ROBO2: variants seen among roughly 807,000 people sequenced by gnomAD.
The protein encoded by ROBO2 is roundabout guidance receptor 2.
ROBO2 carries 53 observed loss-of-function variants against 160.8 expected under a neutral mutation model. The ratio of observed to expected loss-of-function variants is 0.33; its 90% CI spans 0.26 to 0.41. The LOEUF is 0.41. Ranked by LOEUF, ROBO2 falls within the 10% of genes least tolerant of loss-of-function variation. The probability of loss-of-function intolerance (pLI) is 1.00; values close to 1 mark genes in which losing one functional copy is unlikely to be tolerated. For missense variants in ROBO2, 1,577 were observed against 1,722.4 expected (o/e 0.92, Z 1.49); for synonymous variants, 664 against 611.7 (o/e 1.09, Z -1.26).
intron 2 of ROBO2, among the ~76,000 whole-genome samples, chr3:76,856,770 CAA>C (rs1253551779): frequency 6.6e-6 from 1 of 152,098 alleles, no homozygotes; most frequent in Admixed American, 6.5e-5. Context: ...ATAATATATA[CAA>C]AAGTCTAGAA....
chr3:77,552,574 T>C (rs2092958578), intron 8 of ROBO2, among the ~76,000 whole-genome samples: 1 of 152,074 alleles, frequency 6.6e-6, no homozygotes, highest in African/African-American at 2.4e-5. Flanking sequence ...AAATAAGTGA[T>C]GACCAATGTT....
intron 2 of ROBO2, among the ~76,000 whole-genome samples, chr3:76,756,301 A>T (rs772348045): frequency 3.9e-5 from 6 of 151,942 alleles, no homozygotes; most frequent in Non-Finnish European, 7.4e-5. Flanking sequence ...ACCATTGTAG[A>T]ATATTTGCAA....
Position 77,602,193 on chromosome 3 carries a change from C to T in ROBO2, c.2855-17C>T, listed in dbSNP as rs1431466310. 8 of 1,613,910 alleles carry T rather than the reference C, an allele frequency of 5.0e-6. No individual in the cohort carries two copies. Among genetic ancestry groups the T allele is most frequent in the Middle Eastern group, 3.3e-4 (2 of 6,084 alleles). On this transcript the variant is annotated splice_polypyrimidine_tract_variant and intron_variant, in intron 19 of 25. Coordinates refer to ENST00000461745, the Ensembl canonical transcript of ROBO2. The stretch of plus-strand genomic sequence containing the variant: ...GGTGCCTCATTAAATTGTTTCATTT[C>T]CCTATGTTCACCACAGATGTGCTGC...
At chr3:76,244,581 G>T (rs1218324917) in intron 2 of ROBO2, among the ~76,000 whole-genome samples, 2 of 152,168 alleles carry the variant, frequency 1.3e-5, no homozygotes, top group Non-Finnish European at 2.9e-5. Flanking sequence ...TTTTGCTTGA[G>T]ACATATTCTT....
intron 2 of ROBO2, among the ~76,000 whole-genome samples, chr3:76,297,658 G>GA (rs550602436): frequency 3.1e-3 from 39 of 12,638 alleles, no homozygotes; most frequent in African/African-American, 4.1e-3. Flanking sequence ...TGTATTTCAA[G>GA]AAAAAAAAAA....
intron 2 of ROBO2, among the ~76,000 whole-genome samples, chr3:77,365,632 G>A (rs997800124): frequency 2.6e-5 from 4 of 152,152 alleles, no homozygotes; most frequent in East Asian, 1.9e-4. Flanking sequence ...CACCAGTTAA[G>A]TTCAGCAGAA....
At chr3:76,571,701 A>G (rs1352069492) in intron 2 of ROBO2, among the ~76,000 whole-genome samples, 3 of 152,172 alleles carry the variant, frequency 2.0e-5, no homozygotes, top group African/African-American at 7.2e-5. Flanking sequence ...AGACTGTTTA[A>G]GTTAAATTAC....
rs1402834757 is a variant in ROBO2 at position 77,637,747 on chromosome 3, T to C, written c.3934+2704T>C. Among the ~76,000 whole-genome samples the C allele has an allele frequency of 2.6e-5, 4 of 152,174 alleles. 1 individual carries two copies. Among genetic ancestry groups the C allele is most frequent in the South Asian group, 4.1e-4 (2 of 4,836 alleles). On this transcript the variant is annotated intron_variant, in intron 24 of 25. Transcript: ENST00000461745. ...AGAATTTTCTGTGGTTTTTCAGAAA[T>C]GTTTGAAGATAATATTCAGAATATG...
At chr3:76,789,825 A>C (rs1260576738) in intron 2 of ROBO2, among the ~76,000 whole-genome samples, 1 of 151,604 alleles carries the variant, frequency 6.6e-6, no homozygotes, top group Non-Finnish European at 1.5e-5. Flanking sequence ...GGGCTCACAC[A>C]CAAAAATTAA....
At chr3:77,148,751 G>T (rs2077310929) in intron 2 of ROBO2, among the ~76,000 whole-genome samples, 1 of 152,066 alleles carries the variant, frequency 6.6e-6, no homozygotes, top group Non-Finnish European at 1.5e-5. Flanking sequence ...ACAAAATATT[G>T]ACTCTATTAC....
chr3:77,190,946 A>G (rs942703868), intron 2 of ROBO2, among the ~76,000 whole-genome samples: 2 of 152,062 alleles, frequency 1.3e-5, no homozygotes, highest in Non-Finnish European at 2.9e-5. Context: ...TCAGAAAAAA[A>G]TGCATCACAG....
At chr3:77,456,219 T>A (rs530784568) in intron 2 of ROBO2, among the ~76,000 whole-genome samples, 71 of 152,292 alleles carry the variant, frequency 4.7e-4, no homozygotes, top group African/African-American at 1.7e-3. Context: ...AAGTGAACTT[T>A]TTTATAAGTT....
intron 2 of ROBO2, among the ~76,000 whole-genome samples, chr3:76,788,281 C>G (rs989731232): frequency 2.0e-5 from 3 of 151,402 alleles, no homozygotes; most frequent in Non-Finnish European, 4.4e-5. Flanking sequence ...CTTGACACAG[C>G]ACATACTCTA....
rs1553699206 is a variant in ROBO2, at chr3:76,938,367, C to CT, written c.110-159647_110-159646insT. Among the ~76,000 whole-genome samples, 24 of 145,834 alleles carry CT rather than the reference C, an allele frequency of 1.6e-4. No individual in the cohort carries two copies. The East Asian group carries it at 4.0e-3, about 24-fold the overall frequency. ...GACTCCGTCCCCCACCTACCCCCCC[C>CT]AAAAAAGGCTGCATATTGTCCCTCA... is the stretch of plus-strand genomic sequence containing the variant. On this transcript the variant is annotated intron_variant, in intron 2 of 26. Coordinates refer to the ROBO2 transcript ENST00000487694.
intron 2 of ROBO2, among the ~76,000 whole-genome samples, chr3:76,731,851 T>C (rs1354529376): frequency 1.3e-5 from 2 of 152,196 alleles, no homozygotes; most frequent in South Asian, 2.1e-4. Context: ...GATGGGGTGA[T>C]GTAAATACTT....
At chr3:76,445,996 C>G (rs1223342626) in intron 2 of ROBO2, among the ~76,000 whole-genome samples, 1 of 152,142 alleles carries the variant, frequency 6.6e-6, no homozygotes, top group Non-Finnish European at 1.5e-5. Flanking sequence ...GGAATGCCCT[C>G]TCTCACCACT....
intron 2 of ROBO2, among the ~76,000 whole-genome samples, chr3:77,240,625 C>G (rs530237710): frequency 6.6e-6 from 1 of 152,216 alleles, no homozygotes; most frequent in African/African-American, 2.4e-5. Flanking sequence ...GCCACCAGCA[C>G]GTTGTCACCT....
chr3:76,843,403 T>G (rs753606694), intron 2 of ROBO2, among the ~76,000 whole-genome samples: 2 of 152,022 alleles, frequency 1.3e-5, no homozygotes, highest in Non-Finnish European at 2.9e-5. Context: ...TTTATGAGTA[T>G]TAATGAGAAA....
intron 2 of ROBO2, among the ~76,000 whole-genome samples, chr3:76,873,771 TCTCATGAAATTTG>T (rs757471573): frequency 2.4e-3 from 367 of 152,266 alleles, no homozygotes; most frequent in Non-Finnish European, 3.5e-3. Context: ...CTGAAAGTTT[TCTCATGAAATTTG>T]CTCATTTGAC....
Sources: gnomAD v4.1 joint callset for allele counts (sites outside exome capture counted in the v4.1 genomes callset) on GRCh38, gnomAD v4.1.1 for gene constraint, MANE v1.5 for transcripts, NCBI Gene and HGNC (gene_info 2026-07-23, HGNC 2026-07-21) for gene names.